Variants in ABCA13 observed in about 807,000 individuals in gnomAD.
ABCA13 encodes ATP-binding cassette sub-family A member 13.
A neutral mutation model predicts 478.7 loss-of-function variants in ABCA13; 476 were observed. The observed-to-expected ratio is 0.99, with a 90% CI of 0.92 to 1.07. The LOEUF is 1.07. ABCA13 is among the 50% of genes least tolerant of loss of function. The pLI is 0.00. For synonymous variants in ABCA13, 2,252 were observed against 2,158.9 expected, an observed-to-expected ratio of 1.04 and a Z score of -1.20; for missense variants, 6,060 against 5,910.6, an observed-to-expected ratio of 1.03 and a Z score of -0.83.
In ABCA13 at chr7:48,367,789, T is replaced by C. The variant is rs75744329; in HGVS notation, c.10689-5T>C. On this transcript the variant is annotated splice_region_variant and splice_polypyrimidine_tract_variant and intron_variant, in intron 31 of 61. Transcript: ENST00000435803. ...CCGGATGCTGACTGAATTATCCCCTTACAGATTCCTGAACAACGTTGGTTT... is the reference window on the plus strand; with the variant it reads ...CCGGATGCTGACTGAATTATCCCCTCACAGATTCCTGAACAACGTTGGTTT... The C allele has an allele frequency of 1.1e-5, 17 of 1,555,304 alleles. 1 individual carries two copies. The East Asian group carries it at 3.8e-4, about 35-fold the overall frequency.
chr7:48,249,399 T>C (rs1264203250), intron 15 of ABCA13, 48 bp downstream of exon 15: 5 of 1,602,324 alleles, frequency 3.1e-6, no homozygotes, highest in Non-Finnish European at 4.3e-6. Flanking sequence ...TTTCCCCTTT[T>C]AGTGAGGTGA....
At chr7:48,324,952 G>A (rs533229013) in intron 27 of ABCA13, among the ~76,000 whole-genome samples, 15 of 152,300 alleles carry the variant, frequency 9.8e-5, no homozygotes, top group Admixed American at 5.9e-4. Context: ...GATGTGCTTC[G>A]AATTGCTTTC....
chr7:48,432,759 ATTT>A (rs1322147008), intron 42 of ABCA13, among the ~76,000 whole-genome samples: 1 of 152,168 alleles, frequency 6.6e-6, no homozygotes, highest in Non-Finnish European at 1.5e-5. Flanking sequence ...TATATGCAGA[ATTT>A]TTAAAAGTTG....
intron 43 of ABCA13, among the ~76,000 whole-genome samples, chr7:48,461,202 C>G (rs1214781123): frequency 6.6e-6 from 1 of 152,178 alleles, no homozygotes; most frequent in African/African-American, 2.4e-5. Context: ...AGCACACTCA[C>G]CAGCAGGCTC....
intron 20 of ABCA13, among the ~76,000 whole-genome samples, chr7:48,291,378 G>T (rs1798514121): frequency 6.6e-6 from 1 of 152,204 alleles, no homozygotes; most frequent in Non-Finnish European, 1.5e-5. Flanking sequence ...CAGTTGCTTG[G>T]TGGGTATCAA....
At chr7:48,434,934 A>G (rs1219728633) in intron 42 of ABCA13, among the ~76,000 whole-genome samples, 1 of 151,868 alleles carries the variant, frequency 6.6e-6, no homozygotes, top group East Asian at 1.9e-4. Flanking sequence ...GAAATCAGAA[A>G]GTGGGAATTC....
At chr7:48,524,503 C>G in intron 54 of ABCA13, 63 bp downstream of exon 54, 1 of 1,420,546 alleles carries the variant, frequency 7.0e-7, no homozygotes, top group Non-Finnish European at 9.5e-7. Context: ...AGTAGCTGAT[C>G]TGCTTGTGTT....
intron 32 of ABCA13, among the ~76,000 whole-genome samples, chr7:48,369,638 T>C (rs1305749852): frequency 6.6e-6 from 1 of 152,196 alleles, no homozygotes; most frequent in East Asian, 1.9e-4. Context: ...ACATCATTTG[T>C]TGAATAGGGT....
At chr7:48,471,767 A>G (rs917111060) in intron 45 of ABCA13, among the ~76,000 whole-genome samples, 168 bp downstream of exon 45, 2 of 152,214 alleles carry the variant, frequency 1.3e-5, no homozygotes, top group East Asian at 3.9e-4. Flanking sequence ...GTGAATATTT[A>G]TAGAACACAG....
intron 15 of ABCA13, among the ~76,000 whole-genome samples, chr7:48,268,566 T>C (rs1313864298): frequency 6.6e-6 from 1 of 152,228 alleles, no homozygotes; most frequent in East Asian, 1.9e-4. Flanking sequence ...ACTGACAATT[T>C]CCTTGCCTTG....
chr7:48,381,995 A>C (rs1440448485), intron 35 of ABCA13, among the ~76,000 whole-genome samples: 1 of 152,230 alleles, frequency 6.6e-6, no homozygotes, highest in Admixed American at 6.5e-5. Context: ...TTAGTAGATT[A>C]ATTAGGGGGT....
rs753875835 is a variant in ABCA13, at chr7:48,276,393, A to G, written c.6727A>G (p.Asn2243Asp). ...QIMNFINLIL[N>D]HMQSETSRKT... is the part of the protein sequence containing the mutation. Reference sequence around the variant, plus strand: ...AATGAATTTCATTAACCTTATCTTGAACCATATGCAGTCAGAAACTAGTAG... The same window carrying G: ...AATGAATTTCATTAACCTTATCTTGGACCATATGCAGTCAGAAACTAGTAG... Residue 2243 changes from asparagine (N) to aspartate (D), a missense_variant, in exon 17 of 62, where the codon AAC becomes GAC. Asn to Asp is a conservative substitution (Grantham distance 23). Coordinates refer to ENST00000435803, the MANE Select transcript of ABCA13 (RefSeq NM_152701.5). 1.9e-6 allele frequency: 3 copies of G among 1,555,372 alleles called. No individual in the cohort carries two copies. The highest frequency in any genetic ancestry group is 2.6e-6 in the Non-Finnish European group (3 of 1,152,462).
rs1584379166 is a variant in ABCA13, at chr7:48,239,236, G to C, written c.898-5G>C. 1 of 1,613,518 alleles carries C rather than the reference G, an allele frequency of 6.2e-7. No homozygotes were observed. Among genetic ancestry groups the C allele is most frequent in the Non-Finnish European group, 8.5e-7 (1 of 1,179,762 alleles). On this transcript the variant is annotated splice_polypyrimidine_tract_variant and splice_region_variant and intron_variant, in intron 8 of 61. Coordinates refer to ENST00000435803, the MANE Select transcript of ABCA13 (RefSeq NM_152701.5). ...TGTCTAAATATTTTTTCATATTGTT[G>C]TCAGATTCCCACAGACACTTCCTTG...
rs1034115418 is a variant in ABCA13, at chr7:48,286,117, C to T, written c.8837-1843C>T. ...GATTTCCCATATACTCCCTTCCCCACCATAGCCTCCCTCATTATCAGAGTG... is the reference window on the plus strand; with the variant it reads ...GATTTCCCATATACTCCCTTCCCCATCATAGCCTCCCTCATTATCAGAGTG... On this transcript the variant is annotated intron_variant, in intron 19 of 61. Coordinates refer to ENST00000435803, the MANE Select transcript of ABCA13 (RefSeq NM_152701.5). Among the ~76,000 whole-genome samples, 98 of 152,306 alleles carry T rather than the reference C, an allele frequency of 6.4e-4. 1 individual carries two copies. Among genetic ancestry groups the T allele is most frequent in the Admixed American group, 3.7e-3 (57 of 15,304 alleles).
In ABCA13 at chr7:48,403,684, A is replaced by G. The variant is rs1282610876; in HGVS notation, c.11875A>G (p.Thr3959Ala). 6.2e-7 allele frequency: 1 copy of G among 1,613,472 alleles called. No individual in the cohort carries two copies. Among genetic ancestry groups the G allele is most frequent in the Admixed American group, 1.7e-5 (1 of 59,998 alleles). Reference protein sequence around the residue: ...KKELHQQVNQTLQDVDLTQHQ... With the variant: ...KKELHQQVNQALQDVDLTQHQ... ...AGTGATGTTTTCTTCTAATTTCAGA[A>G]CTCTTCAGGATGTGGACTTAACTCA... The change falls in exon 39 of 62, where the codon ACT (threonine) becomes GCT (alanine). Residue 3959 changes from threonine (T) to alanine (A), a missense_variant and splice_region_variant. Transcript: ENST00000435803.
At chr7:48,597,431 A>G (rs1244267284) in intron 58 of ABCA13, among the ~76,000 whole-genome samples, 1 of 152,238 alleles carries the variant, frequency 6.6e-6, no homozygotes, top group African/African-American at 2.4e-5. Flanking sequence ...ACAGTCATAT[A>G]AATGTCTTTG....
intron 44 of ABCA13, among the ~76,000 whole-genome samples, 156 bp downstream of exon 44, chr7:48,467,201 G>A (rs1325907870): frequency 6.6e-6 from 1 of 152,112 alleles, no homozygotes; most frequent in Non-Finnish European, 1.5e-5. Context: ...TACTGAATGG[G>A]CCTTATGGGT....
chr7:48,244,598 C>G lies in ABCA13; in HGVS notation c.1285C>G (p.Gln429Glu). 2.5e-6 allele frequency: 4 copies of G among 1,613,310 alleles called. No homozygotes were observed. The highest frequency in any genetic ancestry group is 3.4e-6 in the Non-Finnish European group (4 of 1,179,622). ...CAGATTACAGCATCTGTGGAAATTGCAAAGCTTGCTGCAAAACCTGCCCCA... is the reference window on the plus strand; with the variant it reads ...CAGATTACAGCATCTGTGGAAATTGGAAAGCTTGCTGCAAAACCTGCCCCA... ...PKILQHLWKLQSLLQNLPQWP... is the reference protein window; with the variant it reads ...PKILQHLWKLESLLQNLPQWP... Residue 429 changes from glutamine (Q) to glutamate (E), a missense_variant, in exon 11 of 62, where the codon CAA becomes GAA. Gln to Glu is a conservative substitution (Grantham distance 29, BLOSUM62 2). Transcript: ENST00000435803.
At chr7:48,449,159 G>T (rs1490838421) in intron 42 of ABCA13, among the ~76,000 whole-genome samples, 1 of 152,060 alleles carries the variant, frequency 6.6e-6, no homozygotes, top group Non-Finnish European at 1.5e-5. Context: ...TGTCTGTACT[G>T]CCATGTTTAA....
Sources: gnomAD v4.1 joint callset for allele counts (sites outside exome capture counted in the v4.1 genomes callset) on GRCh38, gnomAD v4.1.1 for gene constraint, MANE v1.5 for transcripts, NCBI Gene and HGNC (gene_info 2026-07-23, HGNC 2026-07-21) for gene names.